OR2B3: variants seen among roughly 807,000 people sequenced by gnomAD.
OR2B3 encodes putative olfactory receptor 2B3.
For synonymous variants in OR2B3, 123 were observed against 133.8 expected (o/e 0.92, Z 0.56); for missense variants, 341 against 374.8 (o/e 0.91, Z 0.74).
At position 29,086,237 on chromosome 6, in the gene OR2B3, G is replaced by C. The variant is rs948061139; in HGVS notation, c.*70C>G. ...CAGAGCCTGGAAAATAGGAAAATGA[G>C]TTCAAAGGTCATTACCATCATTGAA... is the stretch of plus-strand genomic sequence containing the variant. On this transcript the variant is annotated 3_prime_UTR_variant, in exon 1 of 1. Transcript: ENST00000377173. 7 of 939,570 alleles carry C rather than the reference G, an allele frequency of 7.5e-6. No homozygotes were observed. The East Asian group carries it at 1.7e-4, about 23-fold the overall frequency. The allele number at this position is 939,570 out of a possible 1,614,324, so 58.2% of individuals were successfully genotyped here.
rs758038986 is a variant in OR2B3 at position 29,087,261 on chromosome 6, A to T, written c.-13T>A. The T allele has an allele frequency of 2.3e-5, 35 of 1,544,568 alleles. No homozygotes were observed. The highest frequency in any genetic ancestry group is 3.0e-5 in the Non-Finnish European group (34 of 1,130,390). On this transcript the variant is annotated 5_prime_UTR_variant, in exon 1 of 1. Transcript: ENST00000377173. ...TTTCCCAATTCATGATGACTCACTTATTTCGCACTCCTAAAAAAATGTAAG... is the reference window on the plus strand; with the variant it reads ...TTTCCCAATTCATGATGACTCACTTTTTTCGCACTCCTAAAAAAATGTAAG...
chr6:29,086,866 C>A lies in OR2B3; in HGVS notation c.383G>T (p.Arg128Ile), dbSNP rs775990366. ...CATGATGACTACATAGTGGAGGGGT[C>A]TGCAAACAGCCACATATCTGTCAAA... ...MSFDRYVAVC[R>I]PLHYVVIMNY... is the part of the protein sequence containing the mutation. The change falls in exon 1 of 1, where the codon AGA becomes ATA. Residue 128 changes from arginine to isoleucine, a missense_variant. Arg to Ile is a moderately conservative substitution (Grantham distance 97). Coordinates refer to ENST00000377173, the MANE Select transcript of OR2B3 (RefSeq NM_001005226.2). 5.6e-6 allele frequency: 9 copies of A among 1,614,156 alleles called. No individual in the cohort carries two copies. In the African/African-American group the frequency reaches 6.7e-5, roughly 12 times the overall value.
rs749597042 is a variant in OR2B3 at position 29,086,949 on chromosome 6, G to C, written c.300C>G (p.His100Gln). 9.3e-6 allele frequency: 15 copies of C among 1,614,238 alleles called. No individual in the cohort carries two copies. The South Asian group carries it at 1.6e-4, about 18-fold the overall frequency. ...CACCTAGGGCCAGGAAGATGATGAG[G>C]TGGGCCACACAGCCAGCATAGCTGA... Reference protein sequence around the residue: ...KTISYAGCVAHLIIFLALGAT... With the variant: ...KTISYAGCVAQLIIFLALGAT... The change falls in exon 1 of 1, where the codon CAC becomes CAG. Residue 100 changes from histidine to glutamine, a missense_variant. Coordinates refer to ENST00000377173, the MANE Select transcript of OR2B3 (RefSeq NM_001005226.2).
At position 29,087,272 on chromosome 6, in the gene OR2B3, C is replaced by T; in HGVS notation, c.-24G>A. On this transcript the variant is annotated 5_prime_UTR_variant, in exon 1 of 1. Coordinates refer to ENST00000377173, the MANE Select transcript of OR2B3 (RefSeq NM_001005226.2). ...ATGATGACTCACTTATTTCGCACTCCTAAAAAAATGTAAGATAGGAAAGCA... is the reference window on the plus strand; with the variant it reads ...ATGATGACTCACTTATTTCGCACTCTTAAAAAAATGTAAGATAGGAAAGCA... 6.7e-7 allele frequency: 1 copy of T among 1,489,436 alleles called. No individual in the cohort carries two copies. The highest frequency in any genetic ancestry group is 9.2e-7 in the Non-Finnish European group (1 of 1,089,928). 92.3% of individuals were successfully genotyped at this position (1,489,436 alleles called of 1,614,324 possible).
Position 29,087,131 on chromosome 6 carries a change from A to G in OR2B3, c.118T>C (p.Phe40Leu), listed in dbSNP as rs148366745. Reference sequence around the variant, plus strand: ...ACCATCATGATGGACACATTGCCAAATATGGTGATTGTGTATGATATTAAC... The same window carrying G: ...ACCATCATGATGGACACATTGCCAAGTATGGTGATTGTGTATGATATTAAC... ...VLLISYTITI[F>L]GNVSIMMVCI... The change falls in exon 1 of 1, where the codon TTT becomes CTT. Residue 40 changes from phenylalanine (F) to leucine (L), a missense_variant. By Grantham distance (22) the Phe-to-Leu change is conservative. Transcript: ENST00000377173. 214 of 1,613,938 alleles carry G rather than the reference A, an allele frequency of 1.3e-4. 1 individual carries two copies. In the Middle Eastern group the frequency reaches 1.8e-3, roughly 14 times the overall value.
chr6:29,086,750 G>A lies in OR2B3; in HGVS notation c.499C>T (p.Pro167Ser). ...TCCACTTCCTGGTGACCACAGCGTGGCATGTTAAGAGTCAAGGAAGACTGC... is the reference window on the plus strand; with the variant it reads ...TCCACTTCCTGGTGACCACAGCGTGACATGTTAAGAGTCAAGGAAGACTGC... ...VLQSSLTLNM[P>S]RCGHQEVDHF... is the part of the protein sequence containing the mutation. The change falls in exon 1 of 1, where the codon CCA becomes TCA. Residue 167 changes from proline to serine, a missense_variant. Pro to Ser is a moderately conservative substitution (Grantham distance 74). Transcript: ENST00000377173. 12 of 1,614,156 alleles carry A rather than the reference G, an allele frequency of 7.4e-6. No individual in the cohort carries two copies. Among genetic ancestry groups the A allele is most frequent in the South Asian group, 2.2e-5 (2 of 91,082 alleles).
chr6:29,086,789 C>T lies in OR2B3; in HGVS notation c.460G>A (p.Gly154Ser), dbSNP rs369975513. 1.3e-5 allele frequency: 21 copies of T among 1,613,886 alleles called. No individual in the cohort carries two copies. Among genetic ancestry groups the T allele is most frequent in the Middle Eastern group, 1.6e-4 (1 of 6,084 alleles). The change falls in exon 1 of 1, where the codon GGC becomes AGC. Residue 154 changes from glycine to serine, a missense_variant. By Grantham distance (56) the Gly-to-Ser change is moderately conservative (BLOSUM62 0). Transcript: ENST00000377173. The part of the protein sequence containing the change: ...MAAFSWLIGF[G>S]NSVLQSSLTL... ...AAGGAAGACTGCAGCACTGAGTTGC[C>T]GAAACCAATGAGCCATGAGAAGGCT...
At position 29,086,904 on chromosome 6, in the gene OR2B3, CAGA is replaced by C. The variant is rs752746620; in HGVS notation, c.342_344del (p.Leu115del). The C allele has an allele frequency of 6.2e-7, 1 of 1,614,174 alleles. No individual in the cohort carries two copies. Among genetic ancestry groups the C allele is most frequent in the Admixed American group, 1.7e-5 (1 of 60,026 alleles). ...CATATCTGTCAAAGGACATAACAGC[CAGA>C]AGGAGACACTCTGTAGCACCTAGGG... On this transcript the variant is annotated inframe_deletion, in exon 1 of 1. Coordinates refer to ENST00000377173, the MANE Select transcript of OR2B3 (RefSeq NM_001005226.2).
Position 29,086,935 on chromosome 6 carries a change from A to G in OR2B3, c.314T>C (p.Leu105Pro). The change falls in exon 1 of 1, where the codon CTG becomes CCG. Residue 105 changes from leucine (L) to proline (P), a missense_variant. By Grantham distance (98) the Leu-to-Pro change is moderately conservative (BLOSUM62 -3). Transcript: ENST00000377173. ...AGCVAHLIIF[L>P]ALGATECLLL... ...GAGACACTCTGTAGCACCTAGGGCC[A>G]GGAAGATGATGAGGTGGGCCACACA... 6.2e-7 allele frequency: 1 copy of G among 1,614,254 alleles called. No individual in the cohort carries two copies. Among genetic ancestry groups the G allele is most frequent in the Non-Finnish European group, 8.5e-7 (1 of 1,180,030 alleles).
Position 29,086,652 on chromosome 6 carries a change from G to A in OR2B3, c.597C>T (p.Leu199=). ...CADTKPIEAE[L]FFFSVLILLI... ...GAAGAATTAGTACACTAAAGAAGAAGAGCTCAGCCTCAATAGGCTTTGTGT... is the reference window on the plus strand; with the variant it reads ...GAAGAATTAGTACACTAAAGAAGAAAAGCTCAGCCTCAATAGGCTTTGTGT... Residue 199 remains leucine, a synonymous_variant, in exon 1 of 1, where the codon CTC becomes CTT. Transcript: ENST00000377173. The A allele has an allele frequency of 6.2e-7, 1 of 1,614,090 alleles. No individual in the cohort carries two copies. The highest frequency in any genetic ancestry group is 1.7e-5 in the Admixed American group (1 of 60,020).
Position 29,086,592 on chromosome 6 carries a change from G to C in OR2B3, c.657C>G (p.Gly219=). Reference sequence around the variant, plus strand: ...TTTTTAATACTGCTTGAGCTATGAAGCCATAGGAGATGAGGATCAATGTCA... The same window carrying C: ...TTTTTAATACTGCTTGAGCTATGAACCCATAGGAGATGAGGATCAATGTCA... ...IPVTLILISY[G]FIAQAVLKIR... is the part of the protein sequence containing the mutation. The change falls in exon 1 of 1, where the codon GGC becomes GGG. Residue 219 remains glycine, a synonymous_variant. Transcript: ENST00000377173. 6.2e-7 allele frequency: 1 copy of C among 1,614,086 alleles called. No individual in the cohort carries two copies. Among genetic ancestry groups the C allele is most frequent in the South Asian group, 1.1e-5 (1 of 91,074 alleles).
chr6:29,086,725 T>C lies in OR2B3; in HGVS notation c.524A>G (p.Asp175Gly), dbSNP rs776157266. 1.9e-6 allele frequency: 3 copies of C among 1,614,138 alleles called. No individual in the cohort carries two copies. Among genetic ancestry groups the C allele is most frequent in the Non-Finnish European group, 2.5e-6 (3 of 1,180,024 alleles). ...TGCAGGCACCTCACAGAAAAAGTGG[T>C]CCACTTCCTGGTGACCACAGCGTGG... ...NMPRCGHQEV[D>G]HFFCEVPALL... is the part of the protein sequence containing the mutation. The change falls in exon 1 of 1, where the codon GAC (aspartate) becomes GGC (glycine). Residue 175 changes from aspartate to glycine, a missense_variant. Physicochemically the swap from Asp to Gly is moderately conservative, Grantham distance 94 (BLOSUM62 -1). Coordinates refer to ENST00000377173, the MANE Select transcript of OR2B3 (RefSeq NM_001005226.2).
Position 29,086,493 on chromosome 6 carries a change from A to T in OR2B3, c.756T>A (p.Tyr252Ter). ...GAAGATACATATAAATGGCTGTTCC[A>T]TAAAAGAGGGACACCACAATCATGT... ...GSHMIVVSLF[Y>*]GTAIYMYLQP... Residue 252 changes from tyrosine (Y) to a stop codon, truncating the protein, a stop_gained, in exon 1 of 1, where the codon TAT (tyrosine) becomes TAA (stop). Coordinates refer to ENST00000377173, the MANE Select transcript of OR2B3 (RefSeq NM_001005226.2). LOFTEE classifies it low-confidence loss of function (END_TRUNC). 6.2e-7 allele frequency: 1 copy of T among 1,614,172 alleles called. No individual in the cohort carries two copies. The highest frequency in any genetic ancestry group is 8.5e-7 in the Non-Finnish European group (1 of 1,180,020).
Position 29,086,864 on chromosome 6 carries a change from G to T in OR2B3, c.385C>A (p.Pro129Thr), listed in dbSNP as rs1248556938. 2 of 1,614,068 alleles carry T rather than the reference G, an allele frequency of 1.2e-6. No homozygotes were observed. The highest frequency in any genetic ancestry group is 2.7e-5 in the African/African-American group (2 of 74,934). ...SFDRYVAVCR[P>T]LHYVVIMNYW... is the part of the protein sequence containing the mutation. The stretch of plus-strand genomic sequence containing the variant: ...TTCATGATGACTACATAGTGGAGGG[G>T]TCTGCAAACAGCCACATATCTGTCA... Residue 129 changes from proline to threonine, a missense_variant, in exon 1 of 1, where the codon CCC (proline) becomes ACC (threonine). By Grantham distance (38) the Pro-to-Thr change is conservative (BLOSUM62 -1). Coordinates refer to ENST00000377173, the MANE Select transcript of OR2B3 (RefSeq NM_001005226.2).
chr6:29,086,328 T>C lies in OR2B3; in HGVS notation c.921A>G (p.Arg307=). 1 of 1,588,784 alleles carries C rather than the reference T, an allele frequency of 6.3e-7. No individual in the cohort carries two copies. The highest frequency in any genetic ancestry group is 8.5e-7 in the Non-Finnish European group (1 of 1,169,648). ...CTTCTTATTTCTTACAGAAAAAGAT[T>C]CTTGGCATCAGCCTCTTGAAGGCCT... The part of the protein sequence containing the change: ...MKEAFKRLMP[R]IFFCKK The change falls in exon 1 of 1, where the codon AGA becomes AGG. Residue 307 remains arginine (R), a synonymous_variant. Coordinates refer to ENST00000377173, the MANE Select transcript of OR2B3 (RefSeq NM_001005226.2).
Position 29,086,504 on chromosome 6 carries a change from A to G in OR2B3, c.745T>C (p.Ser249Pro). ...TAAATGGCTGTTCCATAAAAGAGGGACACCACAATCATGTGGGACCCACAT... is the reference window on the plus strand; with the variant it reads ...TAAATGGCTGTTCCATAAAAGAGGGGCACCACAATCATGTGGGACCCACAT... The part of the protein sequence containing the change: ...GTCGSHMIVV[S>P]LFYGTAIYMY... The change falls in exon 1 of 1, where the codon TCC becomes CCC. Residue 249 changes from serine (S) to proline (P), a missense_variant. Physicochemically the swap from Ser to Pro is moderately conservative, Grantham distance 74 (BLOSUM62 -1). Coordinates refer to ENST00000377173, the MANE Select transcript of OR2B3 (RefSeq NM_001005226.2). The G allele has an allele frequency of 6.2e-7, 1 of 1,614,112 alleles. No individual in the cohort carries two copies. Among genetic ancestry groups the G allele is most frequent in the Non-Finnish European group, 8.5e-7 (1 of 1,180,016 alleles).
At position 29,086,953 on chromosome 6, in the gene OR2B3, G is replaced by T. The variant is rs774949552; in HGVS notation, c.296C>A (p.Ala99Asp). Residue 99 changes from alanine (A) to aspartate (D), a missense_variant, in exon 1 of 1, where the codon GCC becomes GAC. Ala to Asp is a moderately radical substitution (Grantham distance 126). Coordinates refer to ENST00000377173, the MANE Select transcript of OR2B3 (RefSeq NM_001005226.2). The stretch of plus-strand genomic sequence containing the variant: ...TAGGGCCAGGAAGATGATGAGGTGG[G>T]CCACACAGCCAGCATAGCTGATGGT... ...KKTISYAGCV[A>D]HLIIFLALGA... 6.2e-7 allele frequency: 1 copy of T among 1,614,210 alleles called. No homozygotes were observed. The highest frequency in any genetic ancestry group is 2.2e-5 in the East Asian group (1 of 44,890).
rs1251421714 is a variant in OR2B3 at position 29,087,214 on chromosome 6, A to T, written c.35T>A (p.Phe12Tyr). The T allele has an allele frequency of 6.2e-7, 1 of 1,613,222 alleles. No homozygotes were observed. The highest frequency in any genetic ancestry group is 1.7e-5 in the Admixed American group (1 of 59,966). The change falls in exon 1 of 1, where the codon TTT becomes TAT. Residue 12 changes from phenylalanine (F) to tyrosine (Y), a missense_variant. Phe to Tyr is a conservative substitution (Grantham distance 22, BLOSUM62 3). Coordinates refer to ENST00000377173, the MANE Select transcript of OR2B3 (RefSeq NM_001005226.2). Reference protein sequence around the residue: ...NWENESSPKEFILLGFSDRAW... With the variant: ...NWENESSPKEYILLGFSDRAW... The stretch of plus-strand genomic sequence containing the variant: ...CCTATCTGAGAAGCCAAGTAGTATA[A>T]ACTCTTTTGGGGAGCTCTCATTTTC...
rs770517406 is a variant in OR2B3, at chr6:29,086,540, CTT to C, written c.707_708del (p.Lys236SerfsTer32). 1.9e-5 allele frequency: 31 copies of C among 1,614,046 alleles called. No individual in the cohort carries two copies. The highest frequency in any genetic ancestry group is 1.6e-4 in the Middle Eastern group (1 of 6,062). ...ATGTGGGACCCACATGTCCCAAATGCTTTTTGCCGTCCTTCTGCTGACCTGAT... is the reference window on the plus strand; with the variant it reads ...ATGTGGGACCCACATGTCCCAAATGCTTTGCCGTCCTTCTGCTGACCTGAT... ...LKIRSAEGRQ[K>X]AFGTCGSHMI... On this transcript the variant is annotated frameshift_variant, in exon 1 of 1. Coordinates refer to ENST00000377173, the MANE Select transcript of OR2B3 (RefSeq NM_001005226.2). LOFTEE classifies it low-confidence loss of function (END_TRUNC).
Sources: gnomAD v4.1 joint callset for allele counts on GRCh38, gnomAD v4.1.1 for gene constraint, MANE v1.5 for transcripts, NCBI Gene and HGNC (gene_info 2026-07-23, HGNC 2026-07-21) for gene names.